SDK2: variants seen among roughly 807,000 people sequenced by gnomAD.
SDK2 encodes sidekick cell adhesion molecule 2.
A neutral mutation model predicts 253.9 loss-of-function variants in SDK2; 105 were observed. That is an observed-to-expected ratio of 0.41 (90% CI 0.35 to 0.49). The LOEUF is 0.49. Ranked by LOEUF, SDK2 falls within the 20% of genes least tolerant of loss-of-function variation. The pLI is 0.06. For synonymous variants in SDK2, 1,249 were observed against 1,234.9 expected (o/e 1.01, Z -0.24); for missense variants, 2,608 against 3,003.0 (o/e 0.87, Z 3.07).
Position 73,607,847 on chromosome 17 carries a change from C to CT in SDK2, c.64+36177dup, listed in dbSNP as rs112887759. ...GGACACATGCTCTGACTTCTGTGTG[C>CT]TTTTTTTTTTTTTGGTTGTTGTTAA... is the stretch of plus-strand genomic sequence containing the variant. On this transcript the variant is annotated intron_variant, in intron 1 of 44. Transcript: ENST00000392650. Among the ~76,000 whole-genome samples the CT allele has an allele frequency of 5.7e-3, 816 of 142,622 alleles. 5 individuals are homozygous for CT. The highest frequency in any genetic ancestry group is 0.018 in the African/African-American group (702 of 39,052). The allele number at this position is 142,622 out of a possible 152,430, so 93.6% of individuals were successfully genotyped here.
chr17:73,609,473 G>A lies in SDK2; in HGVS notation c.64+34552C>T, dbSNP rs1464359396. On this transcript the variant is annotated intron_variant, in intron 1 of 44. Coordinates refer to ENST00000392650, the MANE Select transcript of SDK2 (RefSeq NM_001144952.2). This position sits in a 1 kb window ranked among gnomAD's most constrained non-coding sequence, Gnocchi z 4.4. The stretch of plus-strand genomic sequence containing the variant: ...AGCAGAGCAGCTTCAGTGGAAGCCC[G>A]ACTGGGTTTAAGACAGAAAGGGAAG... Among the ~76,000 whole-genome samples the A allele has an allele frequency of 6.6e-6, 1 of 152,168 alleles. No homozygotes were observed. Among genetic ancestry groups the A allele is most frequent in the African/African-American group, 2.4e-5 (1 of 41,428 alleles).
chr17:73,573,374 A>G (rs1367018733), intron 1 of SDK2, among the ~76,000 whole-genome samples: 1 of 152,044 alleles, frequency 6.6e-6, no homozygotes, highest in Admixed American at 6.5e-5. Flanking sequence ...CAGGGAAAGG[A>G]CACTGGTACC....
At chr17:73,571,932 C>T (rs188373744) in intron 1 of SDK2, among the ~76,000 whole-genome samples, 39 of 152,284 alleles carry the variant, frequency 2.6e-4, no homozygotes, top group Middle Eastern at 3.4e-3. Flanking sequence ...TCACGGCCCA[C>T]GGGGAAGGAG....
intron 1 of SDK2, among the ~76,000 whole-genome samples, chr17:73,554,152 CT>C (rs1217911848): frequency 2.6e-5 from 4 of 152,178 alleles, no homozygotes; most frequent in African/African-American, 4.8e-5. Flanking sequence ...AGGAGGCCCC[CT>C]GATGAGGACA....
Position 73,431,527 on chromosome 17 carries a change from C to A in SDK2, c.1455G>T (p.Glu485Asp). ...CLATNSRGVD[E>D]ASADLVVWAR... is the part of the protein sequence containing the mutation. Reference sequence around the variant, plus strand: ...CCCAAACGACTAGGTCTGCTGAGGCCTCATCGACCCCCCGAGAGTTGGTGG... The same window carrying A: ...CCCAAACGACTAGGTCTGCTGAGGCATCATCGACCCCCCGAGAGTTGGTGG... The change falls in exon 11 of 45, where the codon GAG (glutamate) becomes GAT (aspartate). Residue 485 changes from glutamate (E) to aspartate (D), a missense_variant. This residue lies in a region of SDK2 where 1,505 missense variants were observed against 1,859.1 expected (regional missense o/e 0.81). Coordinates refer to ENST00000392650, the MANE Select transcript of SDK2 (RefSeq NM_001144952.2). This position sits in a 1 kb window ranked among gnomAD's most constrained non-coding sequence, Gnocchi z 5.6. The A allele has an allele frequency of 6.2e-7, 1 of 1,613,576 alleles. No individual in the cohort carries two copies. The highest frequency in any genetic ancestry group is 8.5e-7 in the Non-Finnish European group (1 of 1,179,714).
chr17:73,505,430 A>G (rs2063926911), intron 2 of SDK2, among the ~76,000 whole-genome samples: 1 of 152,242 alleles, frequency 6.6e-6, no homozygotes, highest in African/African-American at 2.4e-5. Context: ...TGTCTGCCAT[A>G]TAAGAAATTC....
rs753332803 is a variant in SDK2, at chr17:73,387,903, G to A, written c.4327C>T (p.Pro1443Ser). The change falls in exon 30 of 45, where the codon CCC (proline) becomes TCC (serine). Residue 1443 changes from proline (P) to serine (S), a missense_variant. This residue lies in a region of SDK2 where 1,103 missense variants were observed against 1,143.9 expected (regional missense o/e 0.96). Transcript: ENST00000392650. The stretch of plus-strand genomic sequence containing the variant: ...GAGTGCAGTGCCCACCTGCCGCTGG[G>A]CAGCTCGCGGGTCTGGATGGTGTAG... ...RYYTIQTREL[P>S]SGRWALHSAS... The A allele has an allele frequency of 6.9e-6, 11 of 1,592,146 alleles. No homozygotes were observed. The Admixed American group carries it at 1.8e-4, about 25-fold the overall frequency.
chr17:73,570,831 G>A lies in SDK2; in HGVS notation c.65-63234C>T, dbSNP rs1237041014. 1.3e-5 allele frequency among the ~76,000 whole-genome samples: 2 copies of A among 152,152 alleles called. No individual in the cohort carries two copies. The highest frequency in any genetic ancestry group is 2.9e-5 in the Non-Finnish European group (2 of 68,032). ...CACTGGACTGAACTGAGTTTAGCCC[G>A]AAATGCTCCTCCCAGGCCTGCAGGG... On this transcript the variant is annotated intron_variant, in intron 1 of 44. Coordinates refer to ENST00000392650, the MANE Select transcript of SDK2 (RefSeq NM_001144952.2). This position sits in a 1 kb window ranked among gnomAD's most constrained non-coding sequence, Gnocchi z 4.2.
In SDK2 at chr17:73,384,129, G is replaced by C. The variant is rs2270717; in HGVS notation, c.4570-118C>G. 4.6e-3 allele frequency: 5,375 copies of C among 1,175,006 alleles called. 150 individuals carry two copies. In the East Asian group the frequency reaches 0.078, roughly 17 times the overall value. The allele number at this position is 1,175,006 out of a possible 1,614,324, so 72.8% of individuals were successfully genotyped here. On this transcript the variant is annotated intron_variant, in intron 32 of 44. Transcript: ENST00000392650. Reference sequence around the variant, plus strand: ...AGGGACTATGTTTTAACCAGGAAAAGAAATCAAGATAATATTGGGCATTTT... The same window carrying C: ...AGGGACTATGTTTTAACCAGGAAAACAAATCAAGATAATATTGGGCATTTT...
chr17:73,354,128 ACCT>A, intron 40 of SDK2, among the ~76,000 whole-genome samples: 1 of 152,060 alleles, frequency 6.6e-6, no homozygotes, highest in South Asian at 2.1e-4. Context: ...TGCAGCCTCA[ACCT>A]CCTGGGCTCA....
intron 2 of SDK2, among the ~76,000 whole-genome samples, chr17:73,491,475 C>T (rs553353220): frequency 4.0e-4 from 60 of 151,844 alleles, no homozygotes; most frequent in African/African-American, 9.7e-5. Flanking sequence ...TGGGCTCCAG[C>T]GATCCTCCCA....
At chr17:73,350,505 T>A (rs2062527546) in intron 42 of SDK2, 130 bp from the exon 43 acceptor site, 2 of 1,428,718 alleles carry the variant, frequency 1.4e-6, no homozygotes, top group African/African-American at 1.4e-5. Context: ...ATTGAGATTG[T>A]GTGTAGAAAC....
chr17:73,564,819 T>C (rs563928744), intron 1 of SDK2, among the ~76,000 whole-genome samples: 85 of 145,186 alleles, frequency 5.9e-4, no homozygotes, highest in Non-Finnish European at 1.2e-3. Flanking sequence ...AGAGAGACTC[T>C]GTCTGAAAAA....
chr17:73,544,960 C>T (rs751430226), intron 1 of SDK2, among the ~76,000 whole-genome samples: 1 of 150,840 alleles, frequency 6.6e-6, no homozygotes, highest in African/African-American at 2.5e-5. Context: ...ACAGGCCTCC[C>T]AAGCACACCC....
intron 2 of SDK2, among the ~76,000 whole-genome samples, chr17:73,504,790 G>A (rs1461686840): frequency 6.6e-6 from 1 of 152,170 alleles, no homozygotes; most frequent in African/African-American, 2.4e-5. Flanking sequence ...AGTCCGAGAA[G>A]AGGGAATTTG....
chr17:73,370,047 T>C (rs1028295014), intron 36 of SDK2, among the ~76,000 whole-genome samples: 1 of 152,116 alleles, frequency 6.6e-6, no homozygotes, highest in Non-Finnish European at 1.5e-5. Flanking sequence ...ACGTGCAAAA[T>C]TGGAGGTCAT....
At position 73,437,829 on chromosome 17, in the gene SDK2, G is replaced by A. The variant is rs1415848630; in HGVS notation, c.917-7C>T. 2.5e-6 allele frequency: 4 copies of A among 1,613,856 alleles called. No individual in the cohort carries two copies. In the South Asian group the frequency reaches 3.3e-5, roughly 13 times the overall value. ...TTGACAAACTGAGGCGGTTCTGCAG[G>A]AGGAAGGACCAGGGGAGGGGGTCAG... On this transcript the variant is annotated splice_region_variant and splice_polypyrimidine_tract_variant and intron_variant, in intron 7 of 44. Coordinates refer to ENST00000392650, the MANE Select transcript of SDK2 (RefSeq NM_001144952.2).
At position 73,348,653 on chromosome 17, in the gene SDK2, G is replaced by C; in HGVS notation, c.6111C>G (p.Ile2037Met). Reference sequence around the variant, plus strand: ...CCGTCAGGCTGCTGCTCTCTGCAGGGATGAGGTCGTTGTATTTGGTGACAT... The same window carrying C: ...CCGTCAGGCTGCTGCTCTCTGCAGGCATGAGGTCGTTGTATTTGGTGACAT... ...DEDVTKYNDL[I>M]PAESSSLTEK... The change falls in exon 44 of 45, where the codon ATC (isoleucine) becomes ATG (methionine). Residue 2037 changes from isoleucine to methionine, a missense_variant. Physicochemically the swap from Ile to Met is conservative, Grantham distance 10. This residue lies in a region of SDK2 where 1,103 missense variants were observed against 1,143.9 expected (regional missense o/e 0.96). Transcript: ENST00000392650. 6.2e-7 allele frequency: 1 copy of C among 1,613,040 alleles called. No homozygotes were observed. The highest frequency in any genetic ancestry group is 8.5e-7 in the Non-Finnish European group (1 of 1,179,850).
chr17:73,442,608 T>C (rs1422830191), intron 5 of SDK2, among the ~76,000 whole-genome samples: 1 of 152,174 alleles, frequency 6.6e-6, no homozygotes, highest in African/African-American at 2.4e-5. Flanking sequence ...CCCAAAGTGC[T>C]GGGATTATGG....
Sources: gnomAD v4.1 joint callset for allele counts (sites outside exome capture counted in the v4.1 genomes callset) on GRCh38, gnomAD v4.1.1 for gene constraint, gnomAD v4.1.1 regional missense constraint, Gnocchi (gnomAD v3.1) non-coding constraint, MANE v1.5 for transcripts, NCBI Gene and HGNC (gene_info 2026-07-23, HGNC 2026-07-21) for gene names.